The following SPMIP4 variants were observed in gnomAD, a reference collection of about 807,000 sequenced individuals.
The protein encoded by SPMIP4 is sperm microtubule inner protein 4, also known as sperm-associated microtubule inner protein 4.
the SPMIP4 span, chr7:25,180,215 G>A: frequency 1.3e-5 from 2 of 153,108 alleles, no homozygotes; most frequent in Admixed American, 6.5e-5. Flanking sequence ...GGGGGCTTCC[G>A]GGCGGCGAGC....
the SPMIP4 span, among the ~76,000 whole-genome samples, chr7:25,175,829 C>G: frequency 6.6e-6 from 1 of 152,256 alleles, no homozygotes; most frequent in East Asian, 1.9e-4. Flanking sequence ...AACAGAGTTA[C>G]CACCAGTATC....
At chr7:25,168,460 T>G in the SPMIP4 span, 3 of 1,577,182 alleles carry the variant, frequency 1.9e-6, no homozygotes, top group Non-Finnish European at 2.6e-6. Context: ...CCTTAATTCC[T>G]GATACCTGTG....
chr7:25,128,537 G>C, the SPMIP4 span, among the ~76,000 whole-genome samples: 1 of 152,172 alleles, frequency 6.6e-6, no homozygotes, highest in Non-Finnish European at 1.5e-5. The surrounding 1 kb of genome is among the most constrained non-coding windows in gnomAD (Gnocchi z 4.5). Flanking sequence ...AAGGCACAGG[G>C]GCTCTTCAGT....
chr7:25,153,879 A>G, the SPMIP4 span, among the ~76,000 whole-genome samples: 88,342 of 152,110 alleles, frequency 0.58, 25,935 homozygotes, highest in Middle Eastern at 0.64. Context: ...AATGCTGCCT[A>G]GTCTGAGAGG....
chr7:25,153,233 A>T, the SPMIP4 span, among the ~76,000 whole-genome samples: 1 of 152,082 alleles, frequency 6.6e-6, no homozygotes, highest in Non-Finnish European at 1.5e-5. Flanking sequence ...TAAGATGACA[A>T]CTTGTTTTTT....
At chr7:25,142,793 T>G in the SPMIP4 span, 1 of 1,553,178 alleles carries the variant, frequency 6.4e-7, no homozygotes, top group South Asian at 1.2e-5. Flanking sequence ...ACTGGCTTAT[T>G]TTTCTCAACA....
At chr7:25,166,982 G>C in the SPMIP4 span, among the ~76,000 whole-genome samples, 1 of 152,230 alleles carries the variant, frequency 6.6e-6, no homozygotes. Flanking sequence ...TTCAGTAAGA[G>C]ATCATGCACA....
the SPMIP4 span, among the ~76,000 whole-genome samples, chr7:25,133,932 T>G: frequency 1.3e-5 from 2 of 152,202 alleles, no homozygotes; most frequent in African/African-American, 2.4e-5. Context: ...ATACCGAATC[T>G]CTGGATATTA....
At chr7:25,136,136 G>GT in the SPMIP4 span, 1 of 1,614,016 alleles carries the variant, frequency 6.2e-7, no homozygotes, top group African/African-American at 1.3e-5. The surrounding 1 kb of genome is among the most constrained non-coding windows in gnomAD (Gnocchi z 5.7). Flanking sequence ...TTGGTCTGAG[G>GT]TTTGGTCACT....
the SPMIP4 span, chr7:25,135,955 A>G: frequency 5.8e-6 from 9 of 1,561,312 alleles, no homozygotes; most frequent in Admixed American, 2.0e-5. Context: ...TGGGTTTTGA[A>G]GGGAAGAATG....
the SPMIP4 span, chr7:25,136,107 G>A: frequency 1.2e-6 from 2 of 1,614,138 alleles, no homozygotes; most frequent in Non-Finnish European, 8.5e-7. This position sits in a 1 kb window ranked among gnomAD's most constrained non-coding sequence, Gnocchi z 5.7. Flanking sequence ...TTGAAAAAGA[G>A]TTCTTAAGCT....
At chr7:25,179,089 C>G in the SPMIP4 span, 1 of 1,360,494 alleles carries the variant, frequency 7.4e-7, no homozygotes, top group South Asian at 1.5e-5. Context: ...AGCCCCAGAA[C>G]AATAAATGTT....
chr7:25,136,152 T>A, the SPMIP4 span: 2 of 1,614,200 alleles, frequency 1.2e-6, no homozygotes, highest in East Asian at 4.5e-5. This position sits in a 1 kb window ranked among gnomAD's most constrained non-coding sequence, Gnocchi z 5.7. Flanking sequence ...TCACTCCAGC[T>A]CTAGGAATCC....
the SPMIP4 span, chr7:25,142,727 C>T: frequency 5.2e-5 from 84 of 1,608,870 alleles, no homozygotes; most frequent in Middle Eastern, 1.6e-4. Flanking sequence ...CAAATAGGGT[C>T]CCATGAATTT....
the SPMIP4 span, among the ~76,000 whole-genome samples, chr7:25,156,120 TTTTAGGAAAGGGAAAG>T: frequency 6.6e-6 from 1 of 152,148 alleles, no homozygotes; most frequent in Non-Finnish European, 1.5e-5. Flanking sequence ...CCTGGTATCC[TTTTAGGAAAGGGAAAG>T]TTGGACACAG....
chr7:25,151,721 C>A, the SPMIP4 span: 4 of 1,137,048 alleles, frequency 3.5e-6, no homozygotes, highest in Non-Finnish European at 5.3e-6. Flanking sequence ...TAAGAACAGT[C>A]TTTTAGAGGA....
chr7:25,179,339 A>G, the SPMIP4 span: 1 of 1,595,510 alleles, frequency 6.3e-7, no homozygotes, highest in Non-Finnish European at 8.6e-7. Flanking sequence ...CAACCTGGAA[A>G]AGAAAAGGAG....
the SPMIP4 span, among the ~76,000 whole-genome samples, chr7:25,156,347 T>C: frequency 6.6e-6 from 1 of 152,108 alleles, no homozygotes; most frequent in Non-Finnish European, 1.5e-5. Context: ...ACCTTGGAAC[T>C]TGCCAGGCTA....
chr7:25,146,713 G>C, the SPMIP4 span, among the ~76,000 whole-genome samples: 91,455 of 152,054 alleles, frequency 0.6, 28,609 homozygotes, highest in Non-Finnish European at 0.69. Flanking sequence ...CAAATATTTA[G>C]GTTTGCAGAA....
Sources: gnomAD v4.1 joint callset for allele counts (sites outside exome capture counted in the v4.1 genomes callset) on GRCh38, gnomAD v4.1.1 for gene constraint, Gnocchi (gnomAD v3.1) non-coding constraint, MANE v1.5 for transcripts, NCBI Gene and HGNC (gene_info 2026-07-23, HGNC 2026-07-21) for gene names.